ADCY2: variants seen among roughly 807,000 people sequenced by gnomAD.
ADCY2 encodes the protein adenylate cyclase type 2.
ADCY2 carries 31 observed loss-of-function variants against 125.2 expected under a neutral mutation model. That is an observed-to-expected ratio of 0.25 (90% CI 0.19 to 0.33). The LOEUF (loss-of-function observed/expected upper bound fraction) is 0.33, where lower values mean the gene tolerates loss of function less well. Ranked by LOEUF, ADCY2 falls within the 10% of genes least tolerant of loss-of-function variation. The probability of loss-of-function intolerance (pLI) is 1.00; values close to 1 mark genes in which losing one functional copy is unlikely to be tolerated. For synonymous variants in ADCY2, 512 were observed against 548.4 expected (o/e 0.93, Z 0.93); for missense variants, 904 against 1,418.2 (o/e 0.64, Z 5.82).
intron 2 of ADCY2, among the ~76,000 whole-genome samples, chr5:7,426,389 C>T (rs563075198): frequency 7.2e-5 from 11 of 152,182 alleles, no homozygotes; most frequent in South Asian, 4.2e-4. Context: ...ATCAAGGCAC[C>T]GGCAGATTTG....
chr5:7,398,926 AT>A (rs745443665), intron 1 of ADCY2, among the ~76,000 whole-genome samples: 5 of 152,178 alleles, frequency 3.3e-5, no homozygotes, highest in Non-Finnish European at 7.3e-5. Flanking sequence ...ATAGTCAGCG[AT>A]GGCTGGGGTA....
chr5:7,794,544 C>T (rs2126511594), intron 20 of ADCY2: 1 of 152,172 alleles, frequency 6.6e-6, no homozygotes, highest in African/African-American at 2.4e-5. Flanking sequence ...GGCACCAACC[C>T]CCTGCCAAAA....
In ADCY2 at chr5:7,560,517, AT is replaced by A. The variant is rs202125741; in HGVS notation, c.570+39625del. Among the ~76,000 whole-genome samples the A allele has an allele frequency of 1.6e-3, 249 of 152,140 alleles. 6 individuals carry two copies. The highest frequency in any genetic ancestry group is 0.011 in the Admixed American group (175 of 15,282). ...TATCTACCTGGAAATAACTGCCTGC[AT>A]TTTTTTAATAGTGTTGACCCTTTAT... On this transcript the variant is annotated intron_variant, in intron 3 of 24. Coordinates refer to ENST00000338316, the MANE Select transcript of ADCY2 (RefSeq NM_020546.3).
At chr5:7,486,580 A>G (rs1422195499) in intron 2 of ADCY2, among the ~76,000 whole-genome samples, 2 of 152,216 alleles carry the variant, frequency 1.3e-5, no homozygotes, top group Admixed American at 6.5e-5. Flanking sequence ...TAGGCTGATC[A>G]TCACTGTGGA....
intron 2 of ADCY2, among the ~76,000 whole-genome samples, chr5:7,500,100 A>C (rs1369999504): frequency 6.6e-6 from 1 of 152,168 alleles, no homozygotes; most frequent in Non-Finnish European, 1.5e-5. Context: ...ACTTACTTGC[A>C]CTATAAGAGG....
intron 7 of ADCY2, among the ~76,000 whole-genome samples, chr5:7,703,553 C>G (rs1741160739): frequency 6.6e-6 from 1 of 152,108 alleles, no homozygotes; most frequent in South Asian, 2.1e-4. Context: ...GGTATTATTT[C>G]TGAGGGCTCT....
chr5:7,457,635 A>G (rs191716321), intron 2 of ADCY2, among the ~76,000 whole-genome samples: 1 of 152,322 alleles, frequency 6.6e-6, no homozygotes, highest in African/African-American at 2.4e-5. Context: ...GACAAGGTGC[A>G]GGGAGGGGAT....
intron 2 of ADCY2, among the ~76,000 whole-genome samples, chr5:7,451,778 TA>T (rs965504867): frequency 1.3e-5 from 2 of 152,206 alleles, no homozygotes; most frequent in African/African-American, 4.8e-5. Context: ...AATTTTTTTT[TA>T]TTTCAATAGC....
intron 12 of ADCY2, among the ~76,000 whole-genome samples, chr5:7,721,359 C>G (rs1386003941): frequency 1.3e-5 from 2 of 152,198 alleles, no homozygotes; most frequent in Non-Finnish European, 2.9e-5. Context: ...CCTGTTCACT[C>G]TGATGGTAGT....
intron 2 of ADCY2, among the ~76,000 whole-genome samples, chr5:7,449,724 A>G (rs1311646010): frequency 1.3e-5 from 2 of 152,198 alleles, no homozygotes; most frequent in Admixed American, 6.5e-5. Context: ...CACTTCTCAG[A>G]TACTGAATTT....
At chr5:7,482,249 C>T (rs1742758525) in intron 2 of ADCY2, among the ~76,000 whole-genome samples, 1 of 152,088 alleles carries the variant, frequency 6.6e-6, no homozygotes, top group South Asian at 2.1e-4. Context: ...CTACTCAGAT[C>T]CTTTACCCAA....
intron 1 of ADCY2, among the ~76,000 whole-genome samples, chr5:7,400,096 A>G (rs2111435455): frequency 6.8e-6 from 1 of 147,422 alleles, no homozygotes; most frequent in Non-Finnish European, 1.5e-5. Flanking sequence ...AAAGGTTGAC[A>G]TAATTTTTTT....
chr5:7,539,136 G>C (rs4702476), intron 3 of ADCY2, among the ~76,000 whole-genome samples: 2,510 of 151,932 alleles, frequency 0.017, 68 homozygotes, highest in African/African-American at 0.058. Flanking sequence ...GTGCTGGGAT[G>C]ACAGGTGTGA....
intron 23 of ADCY2, among the ~76,000 whole-genome samples, 190 bp from the exon 24 acceptor site, chr5:7,820,375 C>G (rs1745257707): frequency 6.6e-6 from 1 of 151,936 alleles, no homozygotes. Context: ...GTTCCTGTAG[C>G]CCCAGCTACT....
intron 2 of ADCY2, among the ~76,000 whole-genome samples, chr5:7,444,028 A>C (rs1741124377): frequency 6.6e-6 from 1 of 152,016 alleles, no homozygotes; most frequent in South Asian, 2.1e-4. Context: ...ATTTCAGGTA[A>C]ATCTTCCTCA....
intron 1 of ADCY2, among the ~76,000 whole-genome samples, chr5:7,412,381 G>A (rs1419627761): frequency 6.6e-6 from 1 of 152,162 alleles, no homozygotes; most frequent in Non-Finnish European, 1.5e-5. Flanking sequence ...AGGCTCATTT[G>A]GGGAGGTTTA....
intron 2 of ADCY2, among the ~76,000 whole-genome samples, chr5:7,457,480 G>A (rs1288052953): frequency 3.3e-5 from 5 of 152,112 alleles, no homozygotes; most frequent in East Asian, 1.9e-4. Flanking sequence ...AATGGAAGGC[G>A]CATTCAAGGC....
intron 3 of ADCY2, among the ~76,000 whole-genome samples, chr5:7,619,168 T>C (rs1737867728): frequency 6.6e-6 from 1 of 152,206 alleles, no homozygotes; most frequent in Admixed American, 6.5e-5. Flanking sequence ...TAGGTAATCA[T>C]TGACTTGTTG....
chr5:7,539,902 T>C (rs1463139806), intron 3 of ADCY2, among the ~76,000 whole-genome samples: 11 of 152,244 alleles, frequency 7.2e-5, no homozygotes, highest in Non-Finnish European at 1.0e-4. Flanking sequence ...GAGAATAATT[T>C]ATCACCCCAC....
Sources: gnomAD v4.1 joint callset for allele counts (sites outside exome capture counted in the v4.1 genomes callset) on GRCh38, gnomAD v4.1.1 for gene constraint, MANE v1.5 for transcripts, NCBI Gene and HGNC (gene_info 2026-07-23, HGNC 2026-07-21) for gene names.